Variants in GJC1 observed in about 807,000 individuals in gnomAD.
The protein encoded by GJC1 is gap junction protein gamma 1, also known as gap junction gamma-1 protein.
In GJC1, 5 loss-of-function variants were observed where a neutral mutation model predicts 29.3. That is an observed-to-expected ratio of 0.17 (90% confidence interval 0.09 to 0.36). The LOEUF is 0.36. Among genes scored for constraint, GJC1 ranks in the 10% least tolerant of loss-of-function variants. GJC1 has a pLI of 1.00. For synonymous variants in GJC1, 177 were observed against 183.3 expected (o/e 0.97, Z 0.28); for missense variants, 310 against 496.2 (o/e 0.62, Z 3.56).
rs1044386226 is a variant in GJC1 at position 44,800,191 on chromosome 17, A to T, written c.*4436T>A. 1.3e-5 allele frequency: 2 copies of T among 152,060 alleles called. No homozygotes were observed. The highest frequency in any genetic ancestry group is 4.8e-5 in the African/African-American group (2 of 41,370). The allele number at this position is 152,060 out of a possible 1,614,324, so 9.4% of individuals were successfully genotyped here. A position where few individuals can be genotyped will look rare whatever the true frequency, so the allele number is the denominator to read the frequency against. On this transcript the variant is annotated 3_prime_UTR_variant, in exon 3 of 3. Transcript: ENST00000592524. ...AATGGCGCAATCTCGGCTCACTGCA[A>T]CCTCTACCTCCTGGGATCAAGTGAT...
In GJC1 at chr17:44,810,831, T is replaced by A. The variant is rs7210548; in HGVS notation, c.-96-3362A>T. On this transcript the variant is annotated intron_variant, in intron 1 of 2. Transcript: ENST00000592524. ...CTCTGTTGCCCACACTGGAGTGCAG[T>A]GGTGCAGACCTAAGTCACTGCAGCC... is the stretch of plus-strand genomic sequence containing the variant. 3.7e-3 allele frequency among the ~76,000 whole-genome samples: 565 copies of A among 152,178 alleles called. 4 individuals are homozygous for A. The highest frequency in any genetic ancestry group is 0.013 in the African/African-American group (555 of 41,490).
In GJC1 at chr17:44,804,573, T is replaced by G. The variant is rs956636391; in HGVS notation, c.*54A>C. 7 of 1,304,812 alleles carry G rather than the reference T, an allele frequency of 5.4e-6. No homozygotes were observed. The highest frequency in any genetic ancestry group is 1.5e-5 in the African/African-American group (1 of 68,298). 80.8% of individuals were successfully genotyped at this position (1,304,812 alleles called of 1,614,324 possible). ...TTACTCAATGGAAGTCATTATTCAG[T>G]GAGCTGCTGCTTACCATAAACTATG... On this transcript the variant is annotated 3_prime_UTR_variant, in exon 3 of 3. Coordinates refer to ENST00000592524, the MANE Select transcript of GJC1 (RefSeq NM_005497.4).
Position 44,801,686 on chromosome 17 carries a change from C to G in GJC1, c.*2941G>C, listed in dbSNP as rs1456543141. 1 of 152,002 alleles carries G rather than the reference C, an allele frequency of 6.6e-6. No individual in the cohort carries two copies. Among genetic ancestry groups the G allele is most frequent in the Non-Finnish European group, 1.5e-5 (1 of 68,036 alleles). 9.4% of individuals were successfully genotyped at this position (152,002 alleles called of 1,614,324 possible). On this transcript the variant is annotated 3_prime_UTR_variant, in exon 3 of 3. Transcript: ENST00000592524. ...TGGTATGATCTCAGCTCACTGCAAC[C>G]TCTGCCTCCTGGGTTCAAGCAATTC...
At chr17:44,830,330 C>A (rs1208498556), upstream of GJC1, 1 of 159,122 alleles carries the variant, frequency 6.3e-6, no homozygotes, top group South Asian at 1.9e-4. The surrounding 1 kb of genome is among the most constrained non-coding windows in gnomAD (Gnocchi z 4.3). Flanking sequence ...GGCGTCCCGC[C>A]GCGGCCCGGG....
At position 44,804,300 on chromosome 17, in the gene GJC1, T is replaced by TAAA; in HGVS notation, c.*324_*326dup. On this transcript the variant is annotated 3_prime_UTR_variant, in exon 3 of 3. Transcript: ENST00000592524. The stretch of plus-strand genomic sequence containing the variant: ...ACAAATACAAAAAAAGTTCTCATAC[T>TAAA]AAAAAAAAAAAAGTACCATAATACT... The TAAA allele has an allele frequency of 3.2e-5, 6 of 188,098 alleles. No individual in the cohort carries two copies. Among genetic ancestry groups the TAAA allele is most frequent in the Non-Finnish European group, 3.2e-5 (3 of 94,790 alleles). The allele number at this position is 188,098 out of a possible 1,614,324, so 11.7% of individuals were successfully genotyped here.
At chr17:44,796,021 C>G (rs905379131), downstream of GJC1, among the ~76,000 whole-genome samples, 1 of 152,220 alleles carries the variant, frequency 6.6e-6, no homozygotes, top group Non-Finnish European at 1.5e-5. Context: ...CTCTGACTGC[C>G]CAGGCCAAAC....
At chr17:44,820,852 T>C (rs1202784526) in intron 1 of GJC1, among the ~76,000 whole-genome samples, 1 of 152,228 alleles carries the variant, frequency 6.6e-6, no homozygotes, top group Admixed American at 6.5e-5. Context: ...TGATAATAGA[T>C]GTTTAATAAC....
At chr17:44,814,559 A>G (rs2050020690) in intron 1 of GJC1, among the ~76,000 whole-genome samples, 1 of 152,152 alleles carries the variant, frequency 6.6e-6, no homozygotes, top group South Asian at 2.1e-4. Context: ...AAAACCCTGG[A>G]GATCTGCAGA....
At chr17:44,826,684 G>C (rs1024979192) in intron 1 of GJC1, among the ~76,000 whole-genome samples, 1 of 152,124 alleles carries the variant, frequency 6.6e-6, no homozygotes, top group African/African-American at 2.4e-5. Context: ...TAAAATTCAA[G>C]AATGTATAAC....
chr17:44,827,352 A>C (rs1231641), intron 1 of GJC1, among the ~76,000 whole-genome samples: 81,697 of 140,874 alleles, frequency 0.58, 22,254 homozygotes, highest in Middle Eastern at 0.66. Context: ...AACAAACAAA[A>C]AAAAAAAATT....
chr17:44,798,035 C>T (rs1257672810), downstream of GJC1, among the ~76,000 whole-genome samples: 2 of 152,164 alleles, frequency 1.3e-5, no homozygotes, highest in Non-Finnish European at 2.9e-5. Flanking sequence ...TTGCAGAAGG[C>T]ACTCCAGGAA....
intron 1 of GJC1, among the ~76,000 whole-genome samples, chr17:44,827,541 G>A (rs893372751): frequency 3.3e-5 from 5 of 152,008 alleles, no homozygotes; most frequent in African/African-American, 9.7e-5. Flanking sequence ...AATTAGCTGG[G>A]TATACTCAGG....
At chr17:44,808,428 TAC>T (rs56999580) in intron 1 of GJC1, among the ~76,000 whole-genome samples, 18,456 of 147,298 alleles carry the variant, frequency 0.13, 1,246 homozygotes, top group East Asian at 0.19. Context: ...CCCTGTCTCT[TAC>T]ACACACACAC....
In GJC1 at chr17:44,822,196, CAAAAAAAAAAA is replaced by C. The variant is rs59152296; in HGVS notation, c.-97+7855_-97+7865del. 7.8e-4 allele frequency among the ~76,000 whole-genome samples: 37 copies of C among 47,562 alleles called. 1 individual carries two copies. Among genetic ancestry groups the C allele is most frequent in the African/African-American group, 2.2e-3 (32 of 14,498 alleles). 31.2% of individuals were successfully genotyped at this position (47,562 alleles called of 152,430 possible). ...TGGGAGACAGATCGAGACTCCGTCT[CAAAAAAAAAAA>C]AAAAAAAAAAAAAAAGAAACATATA... On this transcript the variant is annotated intron_variant, in intron 1 of 2. Coordinates refer to ENST00000592524, the MANE Select transcript of GJC1 (RefSeq NM_005497.4).
chr17:44,819,351 A>G (rs2050079729), intron 1 of GJC1, among the ~76,000 whole-genome samples: 1 of 152,270 alleles, frequency 6.6e-6, no homozygotes, highest in East Asian at 1.9e-4. Flanking sequence ...TCCACGTTAT[A>G]CCATGTGTCA....
rs768566328 is a variant in GJC1 at position 44,805,351 on chromosome 17, C to T, written c.467G>A (p.Ser156Asn). Residue 156 changes from serine (S) to asparagine (N), a missense_variant, in exon 3 of 3, where the codon AGC becomes AAC. Around this residue, in one of 4 missense-constraint regions of GJC1, gnomAD observed 82 missense variants for 100.7 expected, o/e 0.81. Coordinates refer to ENST00000592524, the MANE Select transcript of GJC1 (RefSeq NM_005497.4). The surrounding 1 kb of genome is among the most constrained non-coding windows in gnomAD (Gnocchi z 5.1). ...GCCATCATGCTTAGGTTTGGGTTGG[C>T]TCTGCTCTTTATTTTCCTTATCACT... ...LESDKENKEQ[S>N]QPKPKHDGRR... 8 of 1,614,074 alleles carry T rather than the reference C, an allele frequency of 5.0e-6. No individual in the cohort carries two copies. In the Admixed American group the frequency reaches 1.2e-4, roughly 24 times the overall value.
chr17:44,808,513 G>A (rs1163388579), intron 1 of GJC1, among the ~76,000 whole-genome samples: 1 of 151,966 alleles, frequency 6.6e-6, no homozygotes, highest in Non-Finnish European at 1.5e-5. Flanking sequence ...CACTTCGGGA[G>A]GCCAAGGTGG....
In GJC1 at chr17:44,799,123, CAA is replaced by C. The variant is rs2049810841; in HGVS notation, c.*5502_*5503del. 6.6e-6 allele frequency: 1 copy of C among 152,244 alleles called. No individual in the cohort carries two copies. Among genetic ancestry groups the C allele is most frequent in the East Asian group, 1.9e-4 (1 of 5,202 alleles). 9.4% of individuals were successfully genotyped at this position (152,244 alleles called of 1,614,324 possible). A position where few individuals can be genotyped will look rare whatever the true frequency, so the allele number is the denominator to read the frequency against. ...ATGTGATCCACCTGCCTTGGCCTCCCAAAGTGTTGGGATTACAGGCATAAGCC... is the reference window on the plus strand; with the variant it reads ...ATGTGATCCACCTGCCTTGGCCTCCCAGTGTTGGGATTACAGGCATAAGCC... On this transcript the variant is annotated 3_prime_UTR_variant, in exon 3 of 3. Transcript: ENST00000592524.
intron 1 of GJC1, among the ~76,000 whole-genome samples, chr17:44,818,350 G>C (rs938216753): frequency 4.6e-5 from 7 of 152,108 alleles, no homozygotes; most frequent in African/African-American, 1.7e-4. Flanking sequence ...TTGGTAGCTG[G>C]GGAGGAAGGA....
Sources: gnomAD v4.1 joint callset for allele counts (sites outside exome capture counted in the v4.1 genomes callset) on GRCh38, gnomAD v4.1.1 for gene constraint, gnomAD v4.1.1 regional missense constraint, Gnocchi (gnomAD v3.1) non-coding constraint, MANE v1.5 for transcripts, NCBI Gene and HGNC (gene_info 2026-07-23, HGNC 2026-07-21) for gene names.